Variants in RBMS1 observed in about 807,000 individuals in gnomAD.
RBMS1 encodes RNA binding motif single stranded interacting protein 1.
A neutral mutation model predicts 62.3 loss-of-function variants in RBMS1; 17 were observed. The ratio of observed to expected loss-of-function variants is 0.27; its 90% confidence interval spans 0.19 to 0.41. RBMS1 has a LOEUF of 0.41. RBMS1 is among the 10% of genes least tolerant of loss of function. RBMS1 has a pLI of 1.00. For missense variants in RBMS1, 334 were observed against 504.5 expected, an observed-to-expected ratio of 0.66 and a Z score of 3.24; for synonymous variants, 172 against 170.0, an observed-to-expected ratio of 1.01 and a Z score of -0.09.
At chr2:160,439,343 C>T (rs1398334183) in intron 1 of RBMS1, among the ~76,000 whole-genome samples, 3 of 144,380 alleles carry the variant, frequency 2.1e-5, no homozygotes, top group Non-Finnish European at 3.0e-5. Flanking sequence ...TCAGACGGGG[C>T]GGTTGCCAGG....
At chr2:160,439,163 C>CCCGGACGGGGCGGCTGG (rs1269088936) in intron 1 of RBMS1, among the ~76,000 whole-genome samples, 1 of 150,542 alleles carries the variant, frequency 6.6e-6, no homozygotes, top group African/African-American at 2.4e-5. Flanking sequence ...CCACCTCCCT[C>CCCGGACGGGGCGGCTGG]CCGGACGGGG....
intron 1 of RBMS1, among the ~76,000 whole-genome samples, chr2:160,404,510 A>G (rs1198160318): frequency 6.6e-6 from 1 of 152,266 alleles, no homozygotes; most frequent in East Asian, 1.9e-4. Flanking sequence ...ACAATTATTT[A>G]CATAGCATCT....
chr2:160,359,984 G>C (rs1453685841), intron 2 of RBMS1, among the ~76,000 whole-genome samples: 1 of 152,142 alleles, frequency 6.6e-6, no homozygotes, highest in Admixed American at 6.6e-5. Flanking sequence ...CTACTTGGGA[G>C]GCTGAGGCAG....
chr2:160,382,414 A>G (rs1022292229), intron 1 of RBMS1, among the ~76,000 whole-genome samples: 7 of 152,242 alleles, frequency 4.6e-5, no homozygotes, highest in African/African-American at 1.7e-4. Context: ...TTAGATTTCA[A>G]AACACCAGGG....
chr2:160,275,280 T>C (rs1211856772), intron 13 of RBMS1: 1 of 158,540 alleles, frequency 6.3e-6, no homozygotes, highest in Non-Finnish European at 1.4e-5. Context: ...CATCTTATGC[T>C]ATAGGTCCTC....
At chr2:160,459,924 C>T (rs990022971) in intron 1 of RBMS1, among the ~76,000 whole-genome samples, 31 of 152,320 alleles carry the variant, frequency 2.0e-4, no homozygotes, top group Non-Finnish European at 4.4e-4. Context: ...TAACTTCAAG[C>T]CTAAGCCTGC....
chr2:160,491,120 AG>A (rs541607719), intron 1 of RBMS1, among the ~76,000 whole-genome samples: 1 of 141,178 alleles, frequency 7.1e-6, no homozygotes, highest in Admixed American at 7.1e-5. Context: ...GAAAAAAAAA[AG>A]GGCTGCCTGT....
intron 1 of RBMS1, among the ~76,000 whole-genome samples, chr2:160,403,360 A>C (rs1458472559): frequency 6.6e-6 from 1 of 152,236 alleles, no homozygotes; most frequent in Non-Finnish European, 1.5e-5. Context: ...TGTTCATTTA[A>C]ATATCTTCTA....
chr2:160,324,901 T>TACACAC (rs1241964451), intron 2 of RBMS1, among the ~76,000 whole-genome samples: 1 of 118,764 alleles, frequency 8.4e-6, no homozygotes, highest in African/African-American at 3.5e-5. Flanking sequence ...TATATATATA[T>TACACAC]ATATATACAC....
intron 1 of RBMS1, among the ~76,000 whole-genome samples, chr2:160,382,701 T>C (rs1313084732): frequency 6.6e-6 from 1 of 152,180 alleles, no homozygotes; most frequent in Non-Finnish European, 1.5e-5. Flanking sequence ...ACTCCAATCC[T>C]TCTAATTGAT....
At chr2:160,470,835 T>C (rs1371342851) in intron 1 of RBMS1, among the ~76,000 whole-genome samples, 1 of 152,192 alleles carries the variant, frequency 6.6e-6, no homozygotes, top group Non-Finnish European at 1.5e-5. Flanking sequence ...TGTTATAATG[T>C]AAGAAAATGT....
chr2:160,487,901 AT>A (rs764128580), intron 1 of RBMS1, among the ~76,000 whole-genome samples: 22 of 152,018 alleles, frequency 1.4e-4, no homozygotes, highest in Non-Finnish European at 2.8e-4. Flanking sequence ...TTCTCTCATC[AT>A]TTTGACATGC....
chr2:160,395,623 CAAAAAA>C (rs776181927), intron 1 of RBMS1, among the ~76,000 whole-genome samples: 10 of 53,044 alleles, frequency 1.9e-4, no homozygotes, highest in Admixed American at 1.5e-3. Flanking sequence ...GACTCCGTCT[CAAAAAA>C]AAAAAAAAAA....
intron 6 of RBMS1, 33 bp downstream of exon 6, chr2:160,300,618 G>T (rs773466433): frequency 6.4e-7 from 1 of 1,570,640 alleles, no homozygotes; most frequent in East Asian, 2.3e-5. Context: ...TCATATAGAA[G>T]ACTACTGATG....
At chr2:160,402,339 T>C (rs1034468010) in intron 1 of RBMS1, among the ~76,000 whole-genome samples, 1 of 152,198 alleles carries the variant, frequency 6.6e-6, no homozygotes, top group African/African-American at 2.4e-5. Flanking sequence ...GCCTAAGGAA[T>C]ATGCTAAGGG....
At chr2:160,397,509 C>G (rs145288779) in intron 1 of RBMS1, among the ~76,000 whole-genome samples, 1 of 152,222 alleles carries the variant, frequency 6.6e-6, no homozygotes, top group Admixed American at 6.5e-5. Context: ...TAGCACCTTG[C>G]TTTACCTACA....
At chr2:160,354,575 C>A (rs1692692471) in intron 2 of RBMS1, among the ~76,000 whole-genome samples, 2 of 152,104 alleles carry the variant, frequency 1.3e-5, no homozygotes. Flanking sequence ...TTTCGAGGAC[C>A]ACAAATGAAT....
chr2:160,443,212 A>G (rs1574065888), intron 1 of RBMS1, among the ~76,000 whole-genome samples: 1 of 21,074 alleles, frequency 4.7e-5, no homozygotes, highest in South Asian at 9.2e-4. Flanking sequence ...TTAAGAAAAC[A>G]AAAAAAAAAA....
intron 1 of RBMS1, among the ~76,000 whole-genome samples, chr2:160,376,695 G>A (rs1296693370): frequency 2.0e-5 from 3 of 151,880 alleles, no homozygotes; most frequent in East Asian, 1.9e-4. Flanking sequence ...GAATGCAGTA[G>A]TGCAATCATG....
Sources: allele counts gnomAD v4.1 joint callset (sites outside exome capture counted in the v4.1 genomes callset), GRCh38; gene constraint gnomAD v4.1.1; transcripts MANE v1.5; gene names NCBI Gene and HGNC (gene_info 2026-07-23, HGNC 2026-07-21).